The following NCKAP5 variants were observed in gnomAD, a reference collection of about 807,000 sequenced individuals.
NCKAP5 encodes the protein nck-associated protein 5.
Under a neutral mutation model 167.0 loss-of-function variants are expected in NCKAP5, and 92 were observed. The ratio of observed to expected loss-of-function variants is 0.55; its 90% CI spans 0.47 to 0.66. The LOEUF (loss-of-function observed/expected upper bound fraction) is 0.66. NCKAP5 is among the 30% of genes least tolerant of loss of function. The pLI, the probability that NCKAP5 is intolerant of heterozygous loss-of-function variation, is 0.00. For missense variants in NCKAP5, 2,378 were observed against 2,315.0 expected (o/e 1.03, Z -0.56); for synonymous variants, 891 against 877.4 (o/e 1.02, Z -0.27).
chr2:133,407,707 G>C (rs894608517), intron 3 of NCKAP5, among the ~76,000 whole-genome samples: 11 of 152,086 alleles, frequency 7.2e-5, no homozygotes, highest in Non-Finnish European at 1.5e-5. Context: ...CTCTGACAGG[G>C]CAAAGCTGAG....
intron 6 of NCKAP5, among the ~76,000 whole-genome samples, chr2:133,100,313 A>T (rs1419711270): frequency 6.6e-6 from 1 of 152,210 alleles, no homozygotes. Context: ...ATTATATTTT[A>T]TCCATCCTAT....
intron 1 of NCKAP5, among the ~76,000 whole-genome samples, chr2:133,566,311 A>G (rs1450628314): frequency 2.0e-5 from 3 of 152,218 alleles, no homozygotes; most frequent in African/African-American, 7.2e-5. Context: ...AGTAAAGCAC[A>G]AACACTGAGT....
intron 3 of NCKAP5, among the ~76,000 whole-genome samples, chr2:133,410,679 C>G (rs1423907422): frequency 6.6e-6 from 1 of 152,194 alleles, no homozygotes; most frequent in African/African-American, 2.4e-5. Flanking sequence ...CCACCCTAGA[C>G]TTACAGCTTC....
At chr2:133,634,065 G>C in the NCKAP5 span, among the ~76,000 whole-genome samples, 1 of 152,160 alleles carries the variant, frequency 6.6e-6, no homozygotes, top group Non-Finnish European at 1.5e-5. Context: ...TCACTGTGCA[G>C]CTCCTCTCCA....
Position 133,399,866 on chromosome 2 carries a change from T to G in NCKAP5, c.70-96756A>C, listed in dbSNP as rs140222622. Among the ~76,000 whole-genome samples, 697 of 152,282 alleles carry G rather than the reference T, an allele frequency of 4.6e-3. 9 individuals carry two copies. Among genetic ancestry groups the G allele is most frequent in the African/African-American group, 0.016 (661 of 41,552 alleles). On this transcript the variant is annotated intron_variant, in intron 3 of 19. Transcript: ENST00000409261. ...AAATAACTGTGAAAACTGGTCAGTT[T>G]ACACATAAAATCATGCCAATTTCAA...
At chr2:132,887,689 C>A (rs1423877284) in intron 8 of NCKAP5, among the ~76,000 whole-genome samples, 2 of 152,128 alleles carry the variant, frequency 1.3e-5, no homozygotes, top group Non-Finnish European at 2.9e-5. Context: ...CTCTGTCACC[C>A]AGGCTGGAGT....
At chr2:133,284,968 A>C (rs776565510) in intron 4 of NCKAP5, among the ~76,000 whole-genome samples, 1 of 152,190 alleles carries the variant, frequency 6.6e-6, no homozygotes, top group African/African-American at 2.4e-5. Flanking sequence ...GCCCATTCCC[A>C]ACCCACAATG....
chr2:132,862,815 A>AT (rs1390298027), intron 10 of NCKAP5, among the ~76,000 whole-genome samples: 3 of 150,404 alleles, frequency 2.0e-5, no homozygotes, highest in South Asian at 4.2e-4. Context: ...CTTTATTTTT[A>AT]TTTATTTTAT....
At position 133,116,487 on chromosome 2, in the gene NCKAP5, C is replaced by CAAA. The variant is rs1176731938; in HGVS notation, c.341+13488_341+13490dup. 4.8e-3 allele frequency among the ~76,000 whole-genome samples: 34 copies of CAAA among 7,134 alleles called. 1 individual carries two copies. Among genetic ancestry groups the CAAA allele is most frequent in the Non-Finnish European group, 5.6e-3 (22 of 3,948 alleles). The allele number at this position is 7,134 out of a possible 152,430, so 4.7% of individuals were successfully genotyped here. ...TGGGCGACAGAGCGAGACTCCGTCTCAAAAAAAAAAAAAAAAAAAAAAAAA... is the reference window on the plus strand; with the variant it reads ...TGGGCGACAGAGCGAGACTCCGTCTCAAAAAAAAAAAAAAAAAAAAAAAAAAAA... On this transcript the variant is annotated intron_variant, in intron 6 of 19. Transcript: ENST00000409261.
At chr2:133,245,346 A>G (rs2087923302) in intron 4 of NCKAP5, among the ~76,000 whole-genome samples, 1 of 152,218 alleles carries the variant, frequency 6.6e-6, no homozygotes, top group South Asian at 2.1e-4. Flanking sequence ...TCACGAATAC[A>G]ATATTGAATG....
intron 6 of NCKAP5, among the ~76,000 whole-genome samples, chr2:133,124,596 A>G (rs1176067352): frequency 1.3e-5 from 2 of 152,192 alleles, no homozygotes; most frequent in Non-Finnish European, 2.9e-5. Context: ...CTGAATCTGG[A>G]CAGAAGTCCT....
At chr2:133,051,183 C>G (rs1455708672) in intron 6 of NCKAP5, among the ~76,000 whole-genome samples, 1 of 152,118 alleles carries the variant, frequency 6.6e-6, no homozygotes. Context: ...TAATTATTCC[C>G]TCTGTGTGGT....
At chr2:133,137,898 T>G (rs983413604) in intron 5 of NCKAP5, among the ~76,000 whole-genome samples, 2 of 152,226 alleles carry the variant, frequency 1.3e-5, no homozygotes, top group African/African-American at 4.8e-5. Flanking sequence ...CAGGAGAGCC[T>G]TTATTCCTGA....
chr2:133,307,869 A>C (rs552519384), intron 3 of NCKAP5, among the ~76,000 whole-genome samples: 1 of 152,252 alleles, frequency 6.6e-6, no homozygotes, highest in African/African-American at 2.4e-5. Context: ...TTCACAATAT[A>C]AAAAGAGGCT....
chr2:133,038,929 T>G (rs2079121887), intron 6 of NCKAP5, among the ~76,000 whole-genome samples: 1 of 152,146 alleles, frequency 6.6e-6, no homozygotes, highest in African/African-American at 2.4e-5. Flanking sequence ...CTGGGGAAGA[T>G]AGCAGAGACT....
rs75570093 is a variant in NCKAP5, at chr2:133,181,945, A to G, written c.207+31771T>C. ...ACGAAAAAAGATATATCACACTAAC[A>G]TTACTCCAAAGAAAGCTAGAGTGAC... On this transcript the variant is annotated intron_variant, in intron 5 of 19. Coordinates refer to ENST00000409261, the MANE Select transcript of NCKAP5 (RefSeq NM_207363.3). Among the ~76,000 whole-genome samples the G allele has an allele frequency of 6.0e-3, 908 of 152,306 alleles. 16 individuals are homozygous for G. Among genetic ancestry groups the G allele is most frequent in the East Asian group, 0.02 (105 of 5,184 alleles).
At chr2:133,130,822 T>C (rs2082575178) in intron 5 of NCKAP5, among the ~76,000 whole-genome samples, 2 of 146,242 alleles carry the variant, frequency 1.4e-5, no homozygotes, top group South Asian at 2.1e-4. Flanking sequence ...GCTACACTAA[T>C]GTCTTTGTTG....
At chr2:133,206,438 T>C (rs2085956143) in intron 5 of NCKAP5, among the ~76,000 whole-genome samples, 1 of 152,162 alleles carries the variant, frequency 6.6e-6, no homozygotes, top group African/African-American at 2.4e-5. Context: ...ATTGTGAAGA[T>C]TTCATGGACA....
intron 16 of NCKAP5, among the ~76,000 whole-genome samples, chr2:132,752,033 C>T (rs990229892): frequency 4.6e-5 from 7 of 152,192 alleles, no homozygotes; most frequent in Non-Finnish European, 1.0e-4. Context: ...CTATTCTGTC[C>T]AGTCAGCACA....
Sources: gnomAD v4.1 joint callset for allele counts (sites outside exome capture counted in the v4.1 genomes callset) on GRCh38, gnomAD v4.1.1 for gene constraint, MANE v1.5 for transcripts, NCBI Gene and HGNC (gene_info 2026-07-23, HGNC 2026-07-21) for gene names.